The following CRYBG3 variants were observed in gnomAD, a reference collection of about 807,000 sequenced individuals.
CRYBG3 encodes the protein crystallin beta-gamma domain containing 3, also known as very large A-kinase anchor protein.
CRYBG3 carries 127 observed loss-of-function variants against 244.2 expected under a neutral mutation model. The observed-to-expected ratio is 0.52, with a 90% CI of 0.45 to 0.60. CRYBG3 has a LOEUF of 0.60. CRYBG3 is among the 20% of genes least tolerant of loss of function. CRYBG3 has a pLI of 0.00. For synonymous variants in CRYBG3, 1,132 were observed against 1,195.8 expected (o/e 0.95, Z 1.10); for missense variants, 3,325 against 3,442.5 (o/e 0.97, Z 0.85).
rs200031672 is a variant in CRYBG3 at position 97,888,478 on chromosome 3, A to G, written c.7404+23A>G. 417 of 1,460,720 alleles carry G rather than the reference A, an allele frequency of 2.9e-4. 1 individual carries two copies. Among genetic ancestry groups the G allele is most frequent in the Non-Finnish European group, 3.8e-4 (396 of 1,041,614 alleles). 90.5% of individuals were successfully genotyped at this position (1,460,720 alleles called of 1,614,324 possible). On this transcript the variant is annotated intron_variant, in intron 9 of 21. Coordinates refer to ENST00000389622, the MANE Select transcript of CRYBG3 (RefSeq NM_153605.4). ...ATGGTAAGCAAATTTAAAAAGAAGC[A>G]TTCCTTTTCCCAAGTACCCATGAAT...
At chr3:97,878,954 T>C (rs2039414785) in intron 4 of CRYBG3, among the ~76,000 whole-genome samples, 1 of 152,218 alleles carries the variant, frequency 6.6e-6, no homozygotes, top group Non-Finnish European at 1.5e-5. Context: ...CATGGTACTT[T>C]CAAGATAAAG....
At chr3:97,826,040 C>T (rs1337681788) in intron 1 of CRYBG3, among the ~76,000 whole-genome samples, 2 of 152,152 alleles carry the variant, frequency 1.3e-5, no homozygotes, top group Non-Finnish European at 2.9e-5. Context: ...TTCATGCCTT[C>T]AGTAGTGAAG....
intron 12 of CRYBG3, among the ~76,000 whole-genome samples, chr3:97,897,338 C>T (rs566751012): frequency 1.8e-4 from 27 of 152,124 alleles, no homozygotes; most frequent in African/African-American, 4.8e-4. Context: ...ATCCTTAAGA[C>T]TTATCTTTGG....
chr3:97,902,898 T>G (rs1422070085), intron 15 of CRYBG3, among the ~76,000 whole-genome samples: 1 of 152,140 alleles, frequency 6.6e-6, no homozygotes, highest in African/African-American at 2.4e-5. Flanking sequence ...CGTCATCATC[T>G]CTCTTACAGC....
chr3:97,859,095 A>G (rs995101365), intron 2 of CRYBG3, among the ~76,000 whole-genome samples: 4 of 152,140 alleles, frequency 2.6e-5, no homozygotes, highest in African/African-American at 9.7e-5. Flanking sequence ...TCAGTGGCCT[A>G]GACTATGTGG....
At chr3:97,846,476 G>A (rs2038902920) in intron 2 of CRYBG3, among the ~76,000 whole-genome samples, 1 of 152,148 alleles carries the variant, frequency 6.6e-6, no homozygotes, top group South Asian at 2.1e-4. Context: ...TTTCCCTGTG[G>A]ATGTTCCTTT....
chr3:97,935,952 C>T (rs1007875781), intron 18 of CRYBG3, among the ~76,000 whole-genome samples: 1 of 152,092 alleles, frequency 6.6e-6, no homozygotes, highest in Admixed American at 6.6e-5. Context: ...TGTACACTGA[C>T]CTTGAGTCCT....
At chr3:97,882,717 C>A (rs907417611) in intron 7 of CRYBG3, among the ~76,000 whole-genome samples, 18 of 152,102 alleles carry the variant, frequency 1.2e-4, no homozygotes, top group African/African-American at 4.3e-4. Flanking sequence ...GAGATGAAAA[C>A]TATCATGATG....
At chr3:97,915,762 T>TA (rs2039922548) in intron 17 of CRYBG3, 26 bp downstream of exon 17, 2 of 1,557,158 alleles carry the variant, frequency 1.3e-6, no homozygotes, top group African/African-American at 2.7e-5. Context: ...AATGCATACT[T>TA]ATAAGATTCT....
intron 3 of CRYBG3, among the ~76,000 whole-genome samples, chr3:97,866,358 G>A (rs831866): frequency 0.85 from 129,845 of 152,260 alleles, 55,700 homozygotes; most frequent in African/African-American, 0.94. Flanking sequence ...TTGGAAACCA[G>A]TGTCCGACAG....
intron 15 of CRYBG3, among the ~76,000 whole-genome samples, chr3:97,909,153 C>T (rs1255840254): frequency 3.3e-5 from 5 of 151,846 alleles, no homozygotes; most frequent in African/African-American, 1.2e-4. Flanking sequence ...GAGGGTAACC[C>T]GACCTTTCTC....
chr3:97,852,952 G>A (rs2039008940), intron 2 of CRYBG3, among the ~76,000 whole-genome samples: 1 of 152,064 alleles, frequency 6.6e-6, no homozygotes, highest in Non-Finnish European at 1.5e-5. Context: ...TCATGTACTT[G>A]TTGACTATTT....
chr3:97,880,205 C>T (rs1225287063), intron 6 of CRYBG3, 105 bp downstream of exon 6: 3 of 594,860 alleles, frequency 5.0e-6, no homozygotes, highest in East Asian at 5.8e-5. Context: ...TATTCTCCTT[C>T]CTCTACTTTT....
chr3:97,892,676 T>C (rs985663047), intron 10 of CRYBG3, among the ~76,000 whole-genome samples, 184 bp from the exon 11 acceptor site: 4 of 152,112 alleles, frequency 2.6e-5, no homozygotes, highest in African/African-American at 9.7e-5. Context: ...TTGATTTTGG[T>C]GCAAAAAATT....
At chr3:97,892,445 C>G (rs189913343) in intron 10 of CRYBG3, among the ~76,000 whole-genome samples, 56 of 152,238 alleles carry the variant, frequency 3.7e-4, no homozygotes, top group Middle Eastern at 3.4e-3. Flanking sequence ...TATATGTAAA[C>G]TGCTGATTTC....
chr3:97,898,238 A>C (rs1267826935), intron 12 of CRYBG3, among the ~76,000 whole-genome samples: 1 of 151,886 alleles, frequency 6.6e-6, no homozygotes, highest in Non-Finnish European at 1.5e-5. Flanking sequence ...AAAAAAAAGA[A>C]AGAAAGTTTT....
At chr3:97,886,607 A>G (rs1226180038) in intron 7 of CRYBG3, 24 bp from the exon 8 acceptor site, 2 of 1,587,062 alleles carry the variant, frequency 1.3e-6, no homozygotes, top group South Asian at 1.2e-5. Context: ...TTGATTTCAA[A>G]GCCAAATTAT....
In CRYBG3 at chr3:97,941,272, T is replaced by C; in HGVS notation, c.8630T>C (p.Ile2877Thr). 1 of 1,610,836 alleles carries C rather than the reference T, an allele frequency of 6.2e-7. No individual in the cohort carries two copies. Among genetic ancestry groups the C allele is most frequent in the Non-Finnish European group, 8.5e-7 (1 of 1,177,730 alleles). ...CCCTATAGTGGAAAGAATACTCAGA[T>C]CTGGTACTACTGCCGAGGACTCTTT... ...ISPYSGKNTQ[I>T]WYYCRGLFKS... The change falls in exon 20 of 22, where the codon ATC becomes ACC. Residue 2877 changes from isoleucine (I) to threonine (T), a missense_variant. Around this residue, in one of 4 missense-constraint regions of CRYBG3, gnomAD observed 714 missense variants for 803.6 expected, o/e 0.89. Coordinates refer to ENST00000389622, the MANE Select transcript of CRYBG3 (RefSeq NM_153605.4).
Position 97,873,165 on chromosome 3 carries a change from T to C in CRYBG3, c.1971T>C (p.Pro657=), listed in dbSNP as rs1338682199. The C allele has an allele frequency of 6.5e-7, 1 of 1,535,792 alleles. No individual in the cohort carries two copies. Among genetic ancestry groups the C allele is most frequent in the Admixed American group, 2.0e-5 (1 of 50,976 alleles). Residue 657 remains proline, a synonymous_variant, in exon 4 of 22, where the codon CCT becomes CCC. Transcript: ENST00000389622. The stretch of plus-strand genomic sequence containing the variant: ...AACTAAATTTCAGTATTTCACCTCC[T>C]ACCTTTGTTTCTGGAGTTGGGATGC... ...CKKLNFSISP[P]TFVSGVGMLS... is the part of the protein sequence containing the mutation.
Sources: allele counts gnomAD v4.1 joint callset (sites outside exome capture counted in the v4.1 genomes callset), GRCh38; gene constraint gnomAD v4.1.1; regional missense constraint gnomAD v4.1.1; transcripts MANE v1.5; gene names NCBI Gene and HGNC (gene_info 2026-07-23, HGNC 2026-07-21).